The following C19orf47 variants were observed in gnomAD, a reference collection of about 807,000 sequenced individuals.
C19orf47 encodes chromosome 19 open reading frame 47, also known as uncharacterized protein C19orf47.
Under a neutral mutation model 32.3 loss-of-function variants are expected in C19orf47, and 18 were observed. That is an observed-to-expected ratio of 0.56 (90% CI 0.39 to 0.83). The LOEUF is 0.83. Among genes scored for constraint, C19orf47 ranks in the 40% least tolerant of loss-of-function variants. The probability of loss-of-function intolerance (pLI) is 0.00; values close to 1 mark genes in which losing one functional copy is unlikely to be tolerated. For synonymous variants in C19orf47, 202 were observed against 211.1 expected, an observed-to-expected ratio of 0.96 and a Z score of 0.37; for missense variants, 484 against 531.6, an observed-to-expected ratio of 0.91 and a Z score of 0.88.
the C19orf47 span, among the ~76,000 whole-genome samples, chr19:40,305,297 C>T: frequency 2.0e-5 from 3 of 150,746 alleles, no homozygotes; most frequent in African/African-American, 7.3e-5. Flanking sequence ...GAGCTAAGAT[C>T]GTGCCACTGT....
At chr19:40,297,686 C>T in the C19orf47 span, among the ~76,000 whole-genome samples, 6 of 131,962 alleles carry the variant, frequency 4.5e-5, no homozygotes, top group African/African-American at 1.3e-4. Context: ...GGCAACAGAG[C>T]GAGACTCCGT....
At chr19:40,334,504 T>C (rs1023643091) in intron 4 of C19orf47, among the ~76,000 whole-genome samples, 6 of 151,782 alleles carry the variant, frequency 4.0e-5, no homozygotes, top group Non-Finnish European at 8.8e-5. Flanking sequence ...TCCCAGCCCT[T>C]TGAGAGGCCG....
At chr19:40,304,759 A>G in the C19orf47 span, among the ~76,000 whole-genome samples, 1 of 152,172 alleles carries the variant, frequency 6.6e-6, no homozygotes, top group Non-Finnish European at 1.5e-5. Context: ...TCAATTTAAT[A>G]TGTAGCCCAG....
At chr19:40,303,830 A>G in the C19orf47 span, among the ~76,000 whole-genome samples, 3 of 138,490 alleles carry the variant, frequency 2.2e-5, no homozygotes, top group Non-Finnish European at 3.1e-5. Context: ...AAAAAAAAAA[A>G]GTTCACTGGA....
chr19:40,328,642 C>T, intron 5 of C19orf47, 92 bp from the exon 6 acceptor site: 1 of 1,461,296 alleles, frequency 6.8e-7, no homozygotes, highest in Non-Finnish European at 9.2e-7. Flanking sequence ...GAAGGTGAGG[C>T]TTGAGACTGA....
intron 2 of C19orf47, among the ~76,000 whole-genome samples, chr19:40,338,266 T>TACAC (rs35520400): frequency 0.13 from 18,377 of 143,224 alleles, 1,553 homozygotes; most frequent in African/African-American, 0.24. Context: ...TACATATATA[T>TACAC]ACACACACAC....
At chr19:40,293,851 CG>C in the C19orf47 span, among the ~76,000 whole-genome samples, 1 of 151,928 alleles carries the variant, frequency 6.6e-6, no homozygotes, top group Non-Finnish European at 1.5e-5. Context: ...CCGGGCGCAG[CG>C]GCTCATGCCT....
Position 40,321,717 on chromosome 19 carries a change from G to C in C19orf47, c.*165C>G. 7.0e-7 allele frequency: 1 copy of C among 1,426,316 alleles called. No homozygotes were observed. The highest frequency in any genetic ancestry group is 9.1e-7 in the Non-Finnish European group (1 of 1,095,742). 88.4% of individuals were successfully genotyped at this position (1,426,316 alleles called of 1,614,324 possible). A position where few individuals can be genotyped will look rare whatever the true frequency, so the allele number is the denominator to read the frequency against. ...CAGCTGCGACGACCATCCCAGGCTAGGAGAAATGGGGTGATCCCCCGAATG... is the reference window on the plus strand; with the variant it reads ...CAGCTGCGACGACCATCCCAGGCTACGAGAAATGGGGTGATCCCCCGAATG... On this transcript the variant is annotated 3_prime_UTR_variant, in exon 9 of 9. Transcript: ENST00000683109.
chr19:40,344,692 AG>A (rs2078239821), intron 1 of C19orf47, among the ~76,000 whole-genome samples: 1 of 152,192 alleles, frequency 6.6e-6, no homozygotes, highest in South Asian at 2.1e-4. Flanking sequence ...CGACTCATTG[AG>A]GTGCAGTCGT....
chr19:40,335,921 C>T (rs2078055585), intron 4 of C19orf47, among the ~76,000 whole-genome samples, 189 bp downstream of exon 4: 1 of 152,190 alleles, frequency 6.6e-6, no homozygotes, highest in Non-Finnish European at 1.5e-5. Context: ...GTTTGCCTCT[C>T]TTTCACAGAT....
chr19:40,345,848 CAAAAAA>C (rs35848570), intron 1 of C19orf47, among the ~76,000 whole-genome samples: 1 of 75,240 alleles, frequency 1.3e-5, no homozygotes, highest in African/African-American at 5.9e-5. Flanking sequence ...GACTCAGTCT[CAAAAAA>C]AAAAAAAAAA....
the C19orf47 span, among the ~76,000 whole-genome samples, chr19:40,307,996 G>T: frequency 2.0e-5 from 3 of 151,568 alleles, no homozygotes; most frequent in Non-Finnish European, 4.4e-5. Flanking sequence ...AGAGGAAACT[G>T]AAGAGAGGTT....
At chr19:40,315,008 T>A (rs79319120), downstream of C19orf47, among the ~76,000 whole-genome samples, 3 of 152,124 alleles carry the variant, frequency 2.0e-5, no homozygotes, top group African/African-American at 4.8e-5. Flanking sequence ...ACTATCAAAG[T>A]AGGCATCAAA....
chr19:40,339,961 G>A (rs1277360244), intron 2 of C19orf47, among the ~76,000 whole-genome samples: 1 of 142,142 alleles, frequency 7.0e-6, no homozygotes, highest in African/African-American at 2.6e-5. Context: ...GGCAACAAAA[G>A]CGAAACTCCA....
chr19:40,346,532 C>CTTTTTT (rs1193289452), intron 1 of C19orf47, among the ~76,000 whole-genome samples: 1 of 138,258 alleles, frequency 7.2e-6, no homozygotes, highest in Non-Finnish European at 1.6e-5. Flanking sequence ...AAAGAGGACC[C>CTTTTTT]TTTTTTTTTT....
chr19:40,324,012 C>G lies in C19orf47; in HGVS notation c.657G>C (p.Gly219=), dbSNP rs758717726. 1.2e-6 allele frequency: 2 copies of G among 1,614,144 alleles called. No homozygotes were observed. Reference sequence around the variant, plus strand: ...CTCCCCCATCCCCACTCACTTTACTCCCTGTCGTGGTGTCTGCCTTGGTCT... The same window carrying G: ...CTCCCCCATCCCCACTCACTTTACTGCCTGTCGTGGTGTCTGCCTTGGTCT... ...GAETKADTTT[G]SKPTGVFSRL... is the part of the protein sequence containing the mutation. The change falls in exon 8 of 9, where the codon GGG becomes GGC. Residue 219 remains glycine, a synonymous_variant. Transcript: ENST00000683109.
the C19orf47 span, among the ~76,000 whole-genome samples, chr19:40,313,191 G>T: frequency 1.3e-5 from 2 of 152,268 alleles, no homozygotes; most frequent in South Asian, 4.1e-4. Flanking sequence ...CCTAACACTT[G>T]AGACTTAAGG....
intron 8 of C19orf47, among the ~76,000 whole-genome samples, chr19:40,322,728 T>C (rs889403040): frequency 6.6e-6 from 1 of 152,204 alleles, no homozygotes; most frequent in African/African-American, 2.4e-5. Flanking sequence ...AATCTGGTCA[T>C]TCACTCCACG....
At chr19:40,341,999 G>T in intron 1 of C19orf47, 109 bp from the exon 2 acceptor site, 1 of 1,516,390 alleles carries the variant, frequency 6.6e-7, no homozygotes, top group Non-Finnish European at 8.8e-7. Context: ...TGGGCTAGGG[G>T]CTCACCGCCC....
Sources: gnomAD v4.1 joint callset for allele counts (sites outside exome capture counted in the v4.1 genomes callset) on GRCh38, gnomAD v4.1.1 for gene constraint, MANE v1.5 for transcripts, NCBI Gene and HGNC (gene_info 2026-07-23, HGNC 2026-07-21) for gene names.